Variants in FAM83G observed in about 807,000 individuals in gnomAD.
FAM83G encodes the protein protein FAM83G.
A neutral mutation model predicts 61.5 loss-of-function variants in FAM83G; 38 were observed. The ratio of observed to expected loss-of-function variants is 0.62; its 90% CI spans 0.48 to 0.81. The LOEUF is 0.81. Among genes scored for constraint, FAM83G ranks in the 30% least tolerant of loss-of-function variants. The pLI is 0.00. For missense variants in FAM83G, 989 were observed against 1,133.6 expected (o/e 0.87, Z 1.83); for synonymous variants, 470 against 476.1 (o/e 0.99, Z 0.17).
intron 3 of FAM83G, among the ~76,000 whole-genome samples, chr17:18,981,293 A>C (rs1231953965): frequency 6.6e-6 from 1 of 151,764 alleles, no homozygotes; most frequent in Non-Finnish European, 1.5e-5. Context: ...CAGGCATGAG[A>C]GGCCTTTGTA....
intron 3 of FAM83G, among the ~76,000 whole-genome samples, chr17:18,980,654 G>T (rs983393232): frequency 1.3e-5 from 2 of 152,166 alleles, no homozygotes; most frequent in African/African-American, 4.8e-5. Flanking sequence ...GCTGGTGCTG[G>T]GCACGGCAGA....
chr17:19,003,817 G>T lies in FAM83G; in HGVS notation c.225C>A (p.Asp75Glu). Residue 75 changes from aspartate to glutamate, a missense_variant, in exon 2 of 6, where the codon GAC becomes GAA. By Grantham distance (45) the Asp-to-Glu change is conservative. This residue lies in a region of FAM83G where 371 missense variants were observed against 404.5 expected (regional missense o/e 0.92). Coordinates refer to ENST00000388995, the MANE Select transcript of FAM83G (RefSeq NM_001039999.3). This position sits in a 1 kb window ranked among gnomAD's most constrained non-coding sequence, Gnocchi z 4.5. Reference sequence around the variant, plus strand: ...TGCCCCGAGGGTCCTCAGAGCCCGGGTCGTACACCTCGATGGTCTCCAGGA... The same window carrying T: ...TGCCCCGAGGGTCCTCAGAGCCCGGTTCGTACACCTCGATGGTCTCCAGGA... ...KRILETIEVYDPGSEDPRGTG... is the reference protein window; with the variant it reads ...KRILETIEVYEPGSEDPRGTG... The T allele has an allele frequency of 6.2e-7, 1 of 1,612,902 alleles. No homozygotes were observed.
intron 5 of FAM83G, among the ~76,000 whole-genome samples, chr17:18,974,611 T>C (rs552538604): frequency 1.6e-4 from 25 of 152,330 alleles, no homozygotes; most frequent in African/African-American, 5.8e-4. Context: ...ACCACAGCTT[T>C]CGTGGGCAGC....
intron 3 of FAM83G, among the ~76,000 whole-genome samples, chr17:18,981,005 C>T (rs2043117827): frequency 6.6e-6 from 1 of 152,198 alleles, no homozygotes; most frequent in Non-Finnish European, 1.5e-5. Flanking sequence ...ACGTACTGGT[C>T]TGTCCCCTCA....
intron 2 of FAM83G, among the ~76,000 whole-genome samples, chr17:18,992,328 G>T (rs536119002): frequency 3.0e-4 from 45 of 152,238 alleles, no homozygotes; most frequent in Admixed American, 2.9e-3. Flanking sequence ...AGAGGGGAGG[G>T]CACTGGTCCA....
chr17:18,982,142 C>T (rs527570506), intron 3 of FAM83G, among the ~76,000 whole-genome samples: 51 of 152,348 alleles, frequency 3.3e-4, no homozygotes, highest in African/African-American at 1.1e-3. Context: ...CCGCAGGCCT[C>T]GGCTGGGCCG....
chr17:18,990,834 C>T (rs761499955), intron 2 of FAM83G, among the ~76,000 whole-genome samples: 4 of 152,198 alleles, frequency 2.6e-5, no homozygotes, highest in Non-Finnish European at 4.4e-5. Context: ...CCTGGCCTGT[C>T]CATGGAGCCA....
chr17:18,988,298 C>T lies in FAM83G; in HGVS notation c.639G>A (p.Lys213=), dbSNP rs753831362. Residue 213 remains lysine (K), a synonymous_variant, in exon 3 of 6, where the codon AAG becomes AAA. Coordinates refer to ENST00000388995, the MANE Select transcript of FAM83G (RefSeq NM_001039999.3). The part of the protein sequence containing the change: ...VYIIVDESNV[K]YFLHMCERAC... ...CCCGCTCACACATGTGCAGGAAGTA[C>T]TTGACGTTACTCTCATCCACGATGA... The T allele has an allele frequency of 1.2e-6, 2 of 1,614,044 alleles. No individual in the cohort carries two copies. The highest frequency in any genetic ancestry group is 2.7e-5 in the African/African-American group (2 of 74,950).
At chr17:19,005,486 A>G (rs1404791255), upstream of FAM83G, among the ~76,000 whole-genome samples, 3 of 152,148 alleles carry the variant, frequency 2.0e-5, no homozygotes, top group Non-Finnish European at 4.4e-5. Context: ...CCCAACAAAC[A>G]GCCCCCACCC....
chr17:18,973,884 GTTTT>G (rs35778801), intron 5 of FAM83G, among the ~76,000 whole-genome samples: 3 of 95,740 alleles, frequency 3.1e-5, no homozygotes, highest in African/African-American at 8.1e-5. Context: ...TTTTTTTTAA[GTTTT>G]TTTTTTTTTT....
rs1319530863 is a variant in FAM83G at position 18,968,949 on chromosome 17, A to T, written c.*2410T>A. 2 of 1,102,794 alleles carry T rather than the reference A, an allele frequency of 1.8e-6. No homozygotes were observed. The highest frequency in any genetic ancestry group is 2.6e-6 in the Non-Finnish European group (2 of 782,978). The allele number at this position is 1,102,794 out of a possible 1,614,324, so 68.3% of individuals were successfully genotyped here. On this transcript the variant is annotated 3_prime_UTR_variant, in exon 6 of 6. Transcript: ENST00000388995. The surrounding 1 kb of genome is among the most constrained non-coding windows in gnomAD (Gnocchi z 4.1). ...GTGGGGGTCTCCCCTCCTTATCCACAGGCCACCGAGGCCCAGAGAGGGCCT... is the reference window on the plus strand; with the variant it reads ...GTGGGGGTCTCCCCTCCTTATCCACTGGCCACCGAGGCCCAGAGAGGGCCT...
In FAM83G at chr17:18,978,499, G is replaced by A. The variant is rs776255462; in HGVS notation, c.1167C>T (p.Pro389=). The A allele has an allele frequency of 6.8e-6, 11 of 1,612,824 alleles. No homozygotes were observed. The highest frequency in any genetic ancestry group is 5.5e-5 in the South Asian group (5 of 91,046). Residue 389 remains proline (P), a synonymous_variant, in exon 5 of 6, where the codon CCC becomes CCT. Transcript: ENST00000388995. Reference sequence around the variant, plus strand: ...CTGGGTGGATGGGTGGCAGCAGCTCGGGGAGTTCCCCTGGATGCTCAGCCA... The same window carrying A: ...CTGGGTGGATGGGTGGCAGCAGCTCAGGGAGTTCCCCTGGATGCTCAGCCA... ...PALAEHPGEL[P]ELLPPIHPGL... is the part of the protein sequence containing the mutation.
At chr17:18,973,858 C>T (rs1370442460) in intron 5 of FAM83G, among the ~76,000 whole-genome samples, 2 of 146,738 alleles carry the variant, frequency 1.4e-5, no homozygotes, top group South Asian at 2.2e-4. Context: ...CCACCACACT[C>T]GGCTAATTTT....
At chr17:19,001,497 A>T (rs1411569694) in intron 2 of FAM83G, among the ~76,000 whole-genome samples, 1 of 152,196 alleles carries the variant, frequency 6.6e-6, no homozygotes, top group Admixed American at 6.5e-5. Flanking sequence ...AGGCTGGAGG[A>T]CATCACTCAC....
At position 18,969,526 on chromosome 17, in the gene FAM83G, G is replaced by A; in HGVS notation, c.*1833C>T. 8.9e-7 allele frequency: 1 copy of A among 1,129,778 alleles called. No individual in the cohort carries two copies. The highest frequency in any genetic ancestry group is 1.5e-5 in the South Asian group (1 of 67,992). The allele number at this position is 1,129,778 out of a possible 1,614,324, so 70.0% of individuals were successfully genotyped here. ...CAGGATTCATGCCGTTGGGGTTCTGGGTAGCATCGCTGGGAGTGGGTGGGT... is the reference window on the plus strand; with the variant it reads ...CAGGATTCATGCCGTTGGGGTTCTGAGTAGCATCGCTGGGAGTGGGTGGGT... On this transcript the variant is annotated 3_prime_UTR_variant, in exon 6 of 6. Coordinates refer to ENST00000388995, the MANE Select transcript of FAM83G (RefSeq NM_001039999.3).
At position 19,003,075 on chromosome 17, in the gene FAM83G, T is replaced by G. The variant is rs1410027608; in HGVS notation, c.522+445A>C. On this transcript the variant is annotated intron_variant, in intron 2 of 5. Coordinates refer to ENST00000388995, the MANE Select transcript of FAM83G (RefSeq NM_001039999.3). The surrounding 1 kb of genome is among the most constrained non-coding windows in gnomAD (Gnocchi z 4.5). ...CAAGGACCTCCAGGCCAGTCTCAGA[T>G]GGACTTGGACCATGCCTATTCCCTC... is the stretch of plus-strand genomic sequence containing the variant. Among the ~76,000 whole-genome samples the G allele has an allele frequency of 2.0e-5, 3 of 152,064 alleles. No homozygotes were observed. Among genetic ancestry groups the G allele is most frequent in the Non-Finnish European group, 2.9e-5 (2 of 68,004 alleles).
chr17:18,977,190 CACTT>C lies in FAM83G; in HGVS notation c.2082+390_2082+393del, dbSNP rs574488305. The C allele has an allele frequency of 2.0e-5, 14 of 689,526 alleles. No homozygotes were observed. The Admixed American group carries it at 2.0e-4, about 10-fold the overall frequency. The allele number at this position is 689,526 out of a possible 1,614,324, so 42.7% of individuals were successfully genotyped here. On this transcript the variant is annotated intron_variant, in intron 5 of 5. Transcript: ENST00000388995. ...CTTGGCACAAGGTCTGGACAGGTAT[CACTT>C]ACTGCTGTGTGACCTCAAGGCTGTA... is the stretch of plus-strand genomic sequence containing the variant.
rs756019372 is a variant in FAM83G at position 18,978,120 on chromosome 17, G to A, written c.1546C>T (p.Leu516=). The A allele has an allele frequency of 6.6e-7, 1 of 1,518,516 alleles. No homozygotes were observed. Among genetic ancestry groups the A allele is most frequent in the Non-Finnish European group, 8.8e-7 (1 of 1,138,200 alleles). The allele number at this position is 1,518,516 out of a possible 1,614,324, so 94.1% of individuals were successfully genotyped here. The part of the protein sequence containing the change: ...KPRTVPVADV[L]ARDSSDIGWV... ...CCAATATCACTGCTGTCCCGGGCTA[G>A]TACATCTGCCACAGGGACTGTCCGG... Residue 516 remains leucine, a synonymous_variant, in exon 5 of 6, where the codon CTA becomes TTA. Coordinates refer to ENST00000388995, the MANE Select transcript of FAM83G (RefSeq NM_001039999.3).
chr17:18,969,534 C>A lies in FAM83G; in HGVS notation c.*1825G>T, dbSNP rs999551432. ...ATGCCGTTGGGGTTCTGGGTAGCAT[C>A]GCTGGGAGTGGGTGGGTTCAGGAGG... On this transcript the variant is annotated 3_prime_UTR_variant, in exon 6 of 6. Transcript: ENST00000388995. 2.9e-6 allele frequency: 3 copies of A among 1,029,184 alleles called. No individual in the cohort carries two copies. Among genetic ancestry groups the A allele is most frequent in the Non-Finnish European group, 2.9e-6 (2 of 697,054 alleles). The allele number at this position is 1,029,184 out of a possible 1,614,324, so 63.8% of individuals were successfully genotyped here.
Sources: allele counts gnomAD v4.1 joint callset (sites outside exome capture counted in the v4.1 genomes callset), GRCh38; gene constraint gnomAD v4.1.1; regional missense constraint gnomAD v4.1.1; non-coding constraint Gnocchi (gnomAD v3.1); transcripts MANE v1.5; gene names NCBI Gene and HGNC (gene_info 2026-07-23, HGNC 2026-07-21).